Variants in ADGRD1 observed in about 807,000 individuals in gnomAD.
ADGRD1 encodes the protein G-protein coupled receptor 133.
A neutral mutation model predicts 113.4 loss-of-function variants in ADGRD1; 77 were observed. That is an observed-to-expected ratio of 0.68 (90% CI 0.57 to 0.82). ADGRD1 has a LOEUF of 0.82. Ranked by LOEUF, ADGRD1 falls within the 40% of genes least tolerant of loss-of-function variation. The probability of loss-of-function intolerance (pLI) is 0.00; values close to 1 mark genes in which losing one functional copy is unlikely to be tolerated. For missense variants in ADGRD1, 1,036 were observed against 1,139.1 expected, an observed-to-expected ratio of 0.91 and a Z score of 1.30; for synonymous variants, 474 against 475.0, an observed-to-expected ratio of 1.00 and a Z score of 0.03.
intron 13 of ADGRD1, chr12:131,023,132 T>G (rs1166791297): frequency 6.6e-6 from 1 of 152,248 alleles, no homozygotes; most frequent in African/African-American, 2.4e-5. Flanking sequence ...TATGTCCTGA[T>G]GAGGGGACAG....
chr12:131,080,047 C>T (rs982273460), intron 14 of ADGRD1, among the ~76,000 whole-genome samples: 3 of 152,010 alleles, frequency 2.0e-5, no homozygotes, highest in African/African-American at 7.2e-5. Context: ...TTTAAAAGTT[C>T]TTAAAATGTA....
chr12:131,070,746 A>C (rs995731263), intron 13 of ADGRD1: 88 of 504,106 alleles, frequency 1.7e-4, no homozygotes, highest in Admixed American at 2.0e-4. Context: ...TCCTGGGCGG[A>C]ACCTTCCTGG....
chr12:130,986,997 A>AC, intron 5 of ADGRD1, 98 bp from the exon 6 acceptor site: 1 of 1,006,236 alleles, frequency 9.9e-7, no homozygotes, highest in Non-Finnish European at 1.5e-6. Flanking sequence ...GTGATTGATC[A>AC]CCTTAAGAAA....
intron 14 of ADGRD1, among the ~76,000 whole-genome samples, chr12:131,082,311 T>C (rs1886135330): frequency 6.6e-6 from 1 of 152,220 alleles, no homozygotes. Flanking sequence ...TTAATGCTAT[T>C]GATACTGCTT....
intron 9 of ADGRD1, among the ~76,000 whole-genome samples, chr12:131,001,801 C>T (rs1876423364): frequency 6.6e-6 from 1 of 152,192 alleles, no homozygotes; most frequent in Admixed American, 6.5e-5. Flanking sequence ...TGCCTTGGCC[C>T]AGAAGGGTCC....
At chr12:131,118,696 CAG>C (rs958317839) in intron 19 of ADGRD1, among the ~76,000 whole-genome samples, 7 of 152,222 alleles carry the variant, frequency 4.6e-5, no homozygotes, top group African/African-American at 1.7e-4. Flanking sequence ...CCAGGAATAG[CAG>C]GGGGCCTGCT....
rs1056073842 is a variant in ADGRD1, at chr12:130,995,398, A to G, written c.966+3006A>G. Reference sequence around the variant, plus strand: ...GGCAATGCAGGTCTACACAGGAAACACTTTCTTTTTAAGCTTGGTCACTTT... The same window carrying G: ...GGCAATGCAGGTCTACACAGGAAACGCTTTCTTTTTAAGCTTGGTCACTTT... On this transcript the variant is annotated intron_variant, in intron 8 of 24. Coordinates refer to ENST00000261654, the MANE Select transcript of ADGRD1 (RefSeq NM_198827.5). Among the ~76,000 whole-genome samples, 3 of 152,308 alleles carry G rather than the reference A, an allele frequency of 2.0e-5. No individual in the cohort carries two copies. In the Middle Eastern group the frequency reaches 0.01, roughly 518 times the overall value.
chr12:130,998,235 TAAATG>T (rs1875874897), intron 8 of ADGRD1, among the ~76,000 whole-genome samples: 1 of 151,828 alleles, frequency 6.6e-6, no homozygotes. Flanking sequence ...GCAGAAATCT[TAAATG>T]AAATTATGTG....
In ADGRD1 at chr12:131,041,179, G is replaced by A. The variant is rs940515335; in HGVS notation, c.1473+26839G>A. On this transcript the variant is annotated intron_variant, in intron 13 of 24. Coordinates refer to ENST00000261654, the MANE Select transcript of ADGRD1 (RefSeq NM_198827.5). The surrounding 1 kb of genome is among the most constrained non-coding windows in gnomAD (Gnocchi z 4.4). ...ACTTCACTGAGCACAGAAAATCGGGGGTCTTGGTGCTGGCCACTGGCGCAG... is the reference window on the plus strand; with the variant it reads ...ACTTCACTGAGCACAGAAAATCGGGAGTCTTGGTGCTGGCCACTGGCGCAG... Among the ~76,000 whole-genome samples the A allele has an allele frequency of 6.6e-6, 1 of 152,202 alleles. No individual in the cohort carries two copies. The highest frequency in any genetic ancestry group is 1.9e-4 in the East Asian group (1 of 5,196).
chr12:131,030,361 G>GA (rs1202526007), intron 13 of ADGRD1, among the ~76,000 whole-genome samples: 1 of 152,216 alleles, frequency 6.6e-6, no homozygotes, highest in African/African-American at 2.4e-5. Flanking sequence ...AATCTGTGGG[G>GA]AGCCCTTCCA....
In ADGRD1 at chr12:131,112,373, G is replaced by A. The variant is rs180683781; in HGVS notation, c.2041+3496G>A. Reference sequence around the variant, plus strand: ...CCAACAATAGCTTGGGGCACATGATGCTCTACAGCTTGATCTGATTAAATC... The same window carrying A: ...CCAACAATAGCTTGGGGCACATGATACTCTACAGCTTGATCTGATTAAATC... On this transcript the variant is annotated intron_variant, in intron 18 of 24. Transcript: ENST00000261654. Among the ~76,000 whole-genome samples, 4 of 152,296 alleles carry A rather than the reference G, an allele frequency of 2.6e-5. No individual in the cohort carries two copies. In the East Asian group the frequency reaches 7.7e-4, roughly 29 times the overall value.
In ADGRD1 at chr12:131,060,129, G is replaced by A. The variant is rs1184682473; in HGVS notation, c.1474-16672G>A. ...GGAGTCCTGGTGAGGGCTGGGTGCCGCATGGCTACTGGGTTCCCCCAGGGC... is the reference window on the plus strand; with the variant it reads ...GGAGTCCTGGTGAGGGCTGGGTGCCACATGGCTACTGGGTTCCCCCAGGGC... On this transcript the variant is annotated intron_variant, in intron 13 of 24. Coordinates refer to ENST00000261654, the MANE Select transcript of ADGRD1 (RefSeq NM_198827.5). This position sits in a 1 kb window ranked among gnomAD's most constrained non-coding sequence, Gnocchi z 4.4. 6.6e-6 allele frequency among the ~76,000 whole-genome samples: 1 copy of A among 152,232 alleles called. No individual in the cohort carries two copies. Among genetic ancestry groups the A allele is most frequent in the Non-Finnish European group, 1.5e-5 (1 of 68,044 alleles).
At chr12:130,955,123 CTTT>C (rs71451389) in intron 2 of ADGRD1, among the ~76,000 whole-genome samples, 1 of 99,694 alleles carries the variant, frequency 1.0e-5, no homozygotes, top group South Asian at 3.2e-4. Context: ...CTACACCCAG[CTTT>C]TTTTTTTTTT....
intron 3 of ADGRD1, chr12:130,970,709 A>T (rs1463259936): frequency 6.6e-6 from 1 of 152,288 alleles, no homozygotes; most frequent in African/African-American, 2.4e-5. Flanking sequence ...TCTGTAAACG[A>T]TTTACCCCAC....
intron 4 of ADGRD1, among the ~76,000 whole-genome samples, chr12:130,974,351 C>T (rs1413840183): frequency 1.3e-5 from 2 of 152,156 alleles, no homozygotes; most frequent in African/African-American, 2.4e-5. Flanking sequence ...CTGGGCGCAT[C>T]AGAAACGAGT....
At chr12:131,052,780 C>A (rs1180785525) in intron 13 of ADGRD1, among the ~76,000 whole-genome samples, 1 of 152,168 alleles carries the variant, frequency 6.6e-6, no homozygotes, top group Non-Finnish European at 1.5e-5. Context: ...GCATTGACTC[C>A]AAGAGGATGC....
intron 15 of ADGRD1, among the ~76,000 whole-genome samples, chr12:131,101,733 G>A (rs1443031757): frequency 2.6e-5 from 4 of 152,128 alleles, no homozygotes; most frequent in African/African-American, 9.7e-5. Flanking sequence ...AGAGCTGGAC[G>A]TTCGTTTCCA....
chr12:131,031,709 T>G (rs924923771), intron 13 of ADGRD1, among the ~76,000 whole-genome samples: 1 of 152,252 alleles, frequency 6.6e-6, no homozygotes, highest in East Asian at 1.9e-4. Flanking sequence ...TCTCTGTGTC[T>G]TTGATTCTTG....
chr12:131,021,455 G>A (rs1383489367), intron 13 of ADGRD1, among the ~76,000 whole-genome samples: 1 of 152,188 alleles, frequency 6.6e-6, no homozygotes, highest in Non-Finnish European at 1.5e-5. Context: ...TTAGGCCGAT[G>A]CTGTGCGTCT....
Sources: allele counts gnomAD v4.1 joint callset (sites outside exome capture counted in the v4.1 genomes callset), GRCh38; gene constraint gnomAD v4.1.1; non-coding constraint Gnocchi (gnomAD v3.1); transcripts MANE v1.5; gene names NCBI Gene and HGNC (gene_info 2026-07-23, HGNC 2026-07-21).